Variants in AAAS observed in about 807,000 individuals in gnomAD.
The protein encoded by AAAS is aladin.
A neutral mutation model predicts 75.6 loss-of-function variants in AAAS; 60 were observed. The ratio of observed to expected loss-of-function variants is 0.79; its 90% CI spans 0.64 to 0.98. The LOEUF (loss-of-function observed/expected upper bound fraction) is 0.98. AAAS is among the 50% of genes least tolerant of loss of function. AAAS has a pLI of 0.00. For synonymous variants in AAAS, 271 were observed against 265.0 expected (o/e 1.02, Z -0.22); for missense variants, 658 against 686.9 (o/e 0.96, Z 0.47).
At chr12:53,318,981 T>C (rs1312163261) in intron 2 of AAAS, among the ~76,000 whole-genome samples, 1 of 152,176 alleles carries the variant, frequency 6.6e-6, no homozygotes, top group Non-Finnish European at 1.5e-5. Context: ...CCCATTAAAC[T>C]GTACTGAAGT....
chr12:53,310,383 C>A (rs905737298), intron 7 of AAAS, among the ~76,000 whole-genome samples: 2 of 152,112 alleles, frequency 1.3e-5, no homozygotes, highest in Non-Finnish European at 2.9e-5. Context: ...CATGGTGAAA[C>A]CCCGTCTCTA....
At chr12:53,317,052 T>C (rs564537388) in intron 2 of AAAS, among the ~76,000 whole-genome samples, 9 of 151,616 alleles carry the variant, frequency 5.9e-5, no homozygotes, top group African/African-American at 2.2e-4. Flanking sequence ...TTTGCGCCAC[T>C]GCACTCCACA....
chr12:53,314,833 G>T lies in AAAS; in HGVS notation c.463C>A (p.Arg155Ser). 6.2e-7 allele frequency: 1 copy of T among 1,613,730 alleles called. No individual in the cohort carries two copies. Among genetic ancestry groups the T allele is most frequent in the African/African-American group, 1.3e-5 (1 of 75,042 alleles). The change falls in exon 6 of 16, where the codon CGT becomes AGT. Residue 155 changes from arginine to serine, a missense_variant. By Grantham distance (110) the Arg-to-Ser change is moderately radical. Coordinates refer to ENST00000209873, the MANE Select transcript of AAAS (RefSeq NM_015665.6). ...QVTNWSSCCL[R>S]VFAWHPHTNK... ...GTGTGGGGGTGCCATGCAAAGACACGCAAGCAGCAGCTGGACCTAAGGAAG... is the reference window on the plus strand; with the variant it reads ...GTGTGGGGGTGCCATGCAAAGACACTCAAGCAGCAGCTGGACCTAAGGAAG...
At chr12:53,310,741 C>G (rs890314772) in intron 7 of AAAS, among the ~76,000 whole-genome samples, 1 of 152,196 alleles carries the variant, frequency 6.6e-6, no homozygotes, top group Non-Finnish European at 1.5e-5. Context: ...TAACCACCTT[C>G]AGCTCCAGTG....
At chr12:53,315,229 C>A in intron 4 of AAAS, 89 bp from the exon 5 acceptor site, 4 of 1,595,892 alleles carry the variant, frequency 2.5e-6, no homozygotes, top group Non-Finnish European at 3.4e-6. Context: ...CCACTCCTAC[C>A]CTCTGAAGTC....
In AAAS at chr12:53,315,728, CTCT is replaced by C; in HGVS notation, c.303_305del (p.Glu102del). On this transcript the variant is annotated inframe_deletion and splice_region_variant, in exon 3 of 16. Transcript: ENST00000209873. ...AAGGCTGGAGGGAAAAATACTTACC[CTCT>C]TCTTCTGAGTTTGCAATTTCATTTA... The C allele has an allele frequency of 2.5e-6, 4 of 1,613,658 alleles. No homozygotes were observed. The highest frequency in any genetic ancestry group is 2.5e-6 in the Non-Finnish European group (3 of 1,179,844).
chr12:53,320,338 AC>A (rs1944533757), intron 2 of AAAS, among the ~76,000 whole-genome samples: 1 of 152,212 alleles, frequency 6.6e-6, no homozygotes, highest in South Asian at 2.1e-4. Context: ...AAATGGAAGT[AC>A]TTTTTCCATA....
intron 7 of AAAS, among the ~76,000 whole-genome samples, chr12:53,313,532 C>G (rs189478497): frequency 3.3e-5 from 5 of 151,994 alleles, no homozygotes; most frequent in African/African-American, 9.7e-5. Context: ...AACTCCTGAC[C>G]TCAGGTGATC....
At chr12:53,308,227 A>G (rs1944324303) in intron 13 of AAAS, 55 bp downstream of exon 13, 1 of 1,612,624 alleles carries the variant, frequency 6.2e-7, no homozygotes, top group Admixed American at 1.7e-5. Flanking sequence ...GCACGGCCTC[A>G]TTAGATTAAC....
chr12:53,309,727 G>C lies in AAAS; in HGVS notation c.690-6C>G, dbSNP rs558496416. ...GGGCACAGCCAGAAGAGGGTCTGGAGGGGAACACAGAGGATGTGGAGTCAG... is the reference window on the plus strand; with the variant it reads ...GGGCACAGCCAGAAGAGGGTCTGGACGGGAACACAGAGGATGTGGAGTCAG... On this transcript the variant is annotated splice_region_variant and splice_polypyrimidine_tract_variant and intron_variant, in intron 7 of 15. Coordinates refer to ENST00000209873, the MANE Select transcript of AAAS (RefSeq NM_015665.6). 8.1e-6 allele frequency: 13 copies of C among 1,612,662 alleles called. No homozygotes were observed. The South Asian group carries it at 1.3e-4, about 16-fold the overall frequency.
Position 53,321,596 on chromosome 12 carries a change from G to T in AAAS, c.-131C>A. The T allele has an allele frequency of 6.7e-7, 1 of 1,490,888 alleles. No individual in the cohort carries two copies. The highest frequency in any genetic ancestry group is 1.1e-5 in the South Asian group (1 of 88,148). The allele number at this position is 1,490,888 out of a possible 1,614,324, so 92.4% of individuals were successfully genotyped here. ...ACCGCAAGGGACAAACGGCGAGGCG[G>T]AACTCAACGGAAGTGAAGAAAAGAC... On this transcript the variant is annotated 5_prime_UTR_variant, in exon 1 of 16. Coordinates refer to ENST00000209873, the MANE Select transcript of AAAS (RefSeq NM_015665.6).
At chr12:53,315,900 CAACTA>C in intron 2 of AAAS, 118 bp from the exon 3 acceptor site, 2 of 1,101,046 alleles carry the variant, frequency 1.8e-6, no homozygotes, top group Non-Finnish European at 2.7e-6. Context: ...TAATGAGTGC[CAACTA>C]TGTACCAGGC....
chr12:53,315,646 A>G (rs781476305), intron 3 of AAAS, 81 bp downstream of exon 3: 53 of 1,529,702 alleles, frequency 3.5e-5, no homozygotes, highest in Non-Finnish European at 4.8e-5. Flanking sequence ...AGGCTGAGCC[A>G]ACAGGTGTCG....
intron 7 of AAAS, among the ~76,000 whole-genome samples, chr12:53,310,249 C>T (rs536610970): frequency 1.3e-5 from 2 of 152,246 alleles, no homozygotes; most frequent in Admixed American, 6.5e-5. Flanking sequence ...GCAGCTCCCG[C>T]GTTTGCTCCT....
chr12:53,314,607 A>T (rs796419389), intron 6 of AAAS, 144 bp downstream of exon 6: 11 of 1,314,344 alleles, frequency 8.4e-6, no homozygotes, highest in East Asian at 2.5e-5. Flanking sequence ...AGAAGCACGC[A>T]TCCAGTTATG....
At chr12:53,308,890 G>A in intron 10 of AAAS, 70 bp downstream of exon 10, 4 of 1,613,098 alleles carry the variant, frequency 2.5e-6, no homozygotes, top group Non-Finnish European at 3.4e-6. Context: ...AGGTGGCCAG[G>A]TTTGGGAGCA....
Position 53,314,750 on chromosome 12 carries a change from C to T in AAAS, c.545+1G>A. 1.2e-6 allele frequency: 2 copies of T among 1,613,174 alleles called. No homozygotes were observed. Among genetic ancestry groups the T allele is most frequent in the Non-Finnish European group, 8.5e-7 (1 of 1,179,860 alleles). ...AGCCCACCTGGTGTCCCCACACACA[C>T]CTGCTGGCATTATACACACGGACTG... On this transcript the variant is annotated splice_donor_variant, in intron 6 of 15. Coordinates refer to ENST00000209873, the MANE Select transcript of AAAS (RefSeq NM_015665.6). LOFTEE classifies it high-confidence loss of function.
chr12:53,321,402 T>A lies in AAAS; in HGVS notation c.64A>T (p.Asn22Tyr), dbSNP rs1264179519. 6.2e-7 allele frequency: 1 copy of A among 1,614,108 alleles called. No homozygotes were observed. Among genetic ancestry groups the A allele is most frequent in the South Asian group, 1.1e-5 (1 of 91,090 alleles). Residue 22 changes from asparagine (N) to tyrosine (Y), a missense_variant, in exon 1 of 16, where the codon AAT (asparagine) becomes TAT (tyrosine). Physicochemically the swap from Asn to Tyr is moderately radical, Grantham distance 143. Transcript: ENST00000209873. ...CTACTGCCCGTCACCAGCTCGTTAT[T>A]GTGCTCATATAGGGTGACTTGACCC... is the stretch of plus-strand genomic sequence containing the variant. ...PRGQVTLYEH[N>Y]NELVTGSSYE...
intron 5 of AAAS, 78 bp downstream of exon 5, chr12:53,315,016 A>G (rs1944441231): frequency 1.3e-6 from 2 of 1,532,746 alleles, no homozygotes; most frequent in South Asian, 2.2e-5. Flanking sequence ...AAGGAGTAGG[A>G]GTCTTTGCCT....
Sources: allele counts gnomAD v4.1 joint callset (sites outside exome capture counted in the v4.1 genomes callset), GRCh38; gene constraint gnomAD v4.1.1; transcripts MANE v1.5; gene names NCBI Gene and HGNC (gene_info 2026-07-23, HGNC 2026-07-21).